Variants in PTPRZ1 observed in about 807,000 individuals in gnomAD.
The protein encoded by PTPRZ1 is receptor-type tyrosine-protein phosphatase zeta.
Under a neutral mutation model 214.1 loss-of-function variants are expected in PTPRZ1, and 82 were observed. The ratio of observed to expected loss-of-function variants is 0.38; its 90% CI spans 0.32 to 0.46. PTPRZ1 has a LOEUF of 0.46. Among genes scored for constraint, PTPRZ1 ranks in the 20% least tolerant of loss-of-function variants. The pLI, the probability that PTPRZ1 is intolerant of heterozygous loss-of-function variation, is 1.00. For missense variants in PTPRZ1, 2,603 were observed against 2,748.7 expected, an observed-to-expected ratio of 0.95 and a Z score of 1.19; for synonymous variants, 945 against 987.9, an observed-to-expected ratio of 0.96 and a Z score of 0.81.
chr7:121,945,699 A>G (rs894931597), intron 2 of PTPRZ1, among the ~76,000 whole-genome samples: 1 of 152,036 alleles, frequency 6.6e-6, no homozygotes, highest in African/African-American at 2.4e-5. Flanking sequence ...TTCTCCTTTA[A>G]ATTCTGTACC....
chr7:122,026,491 G>C (rs1490237076), intron 13 of PTPRZ1, among the ~76,000 whole-genome samples: 1 of 152,166 alleles, frequency 6.6e-6, no homozygotes, highest in African/African-American at 2.4e-5. Context: ...CAAACTTTCT[G>C]TATAGTTTCT....
intron 15 of PTPRZ1, chr7:122,033,824 T>A: frequency 2.2e-6 from 1 of 446,350 alleles, no homozygotes; most frequent in Non-Finnish European, 3.9e-6. Context: ...TCCTCTCATC[T>A]GCATTTTTAA....
chr7:122,040,026 C>T (rs1171062792), intron 20 of PTPRZ1, among the ~76,000 whole-genome samples: 1 of 151,946 alleles, frequency 6.6e-6, no homozygotes, highest in African/African-American at 2.4e-5. Context: ...TCACAGCTGC[C>T]GTCAGTCCTA....
At chr7:121,966,689 C>A (rs1337470676) in intron 2 of PTPRZ1, among the ~76,000 whole-genome samples, 2 of 152,144 alleles carry the variant, frequency 1.3e-5, no homozygotes, top group African/African-American at 4.8e-5. Flanking sequence ...TAGACGGCTT[C>A]ATGGTGTGAC....
At chr7:121,915,398 C>G (rs1795396674) in intron 1 of PTPRZ1, among the ~76,000 whole-genome samples, 1 of 152,122 alleles carries the variant, frequency 6.6e-6, no homozygotes, top group South Asian at 2.1e-4. Context: ...ACATTCATTT[C>G]ATTTAAATAG....
intron 2 of PTPRZ1, among the ~76,000 whole-genome samples, chr7:121,950,764 A>G (rs1389507684): frequency 1.3e-5 from 2 of 152,212 alleles, no homozygotes; most frequent in Non-Finnish European, 2.9e-5. Flanking sequence ...AGTCTCACTG[A>G]AAGAAAATTC....
chr7:121,992,465 T>C (rs1449219242), intron 8 of PTPRZ1, among the ~76,000 whole-genome samples: 1 of 152,236 alleles, frequency 6.6e-6, no homozygotes, highest in Non-Finnish European at 1.5e-5. Context: ...AGGTGTTCAC[T>C]CTTCATTTAA....
At chr7:122,042,089 A>G (rs1352723528) in intron 21 of PTPRZ1, among the ~76,000 whole-genome samples, 1 of 152,208 alleles carries the variant, frequency 6.6e-6, no homozygotes, top group African/African-American at 2.4e-5. Flanking sequence ...AACTGAAGTC[A>G]TGCTTTATTC....
chr7:121,954,007 C>T (rs1796634787), intron 2 of PTPRZ1, among the ~76,000 whole-genome samples: 1 of 152,220 alleles, frequency 6.6e-6, no homozygotes. Context: ...CCTCCTCTGT[C>T]TCCACCCCAC....
intron 13 of PTPRZ1, among the ~76,000 whole-genome samples, chr7:122,028,052 A>AATTTCTACATAGTTC (rs1799255870): frequency 6.6e-6 from 1 of 152,120 alleles, no homozygotes; most frequent in Non-Finnish European, 1.5e-5. Flanking sequence ...CTGTGTAGGT[A>AATTTCTACATAGTTC]ATTTCTACAT....
chr7:121,904,283 C>A (rs533627952), intron 1 of PTPRZ1, among the ~76,000 whole-genome samples: 1 of 152,026 alleles, frequency 6.6e-6, no homozygotes, highest in Non-Finnish European at 1.5e-5. Flanking sequence ...AGGCTGGCTG[C>A]CAATCAAGGA....
At position 122,055,356 on chromosome 7, in the gene PTPRZ1, G is replaced by C. The variant is rs375904757; in HGVS notation, c.6528+269G>C. Among the ~76,000 whole-genome samples, 12 of 151,824 alleles carry C rather than the reference G, an allele frequency of 7.9e-5. No homozygotes were observed. The East Asian group carries it at 2.3e-3, about 29-fold the overall frequency. On this transcript the variant is annotated intron_variant, in intron 27 of 29. Coordinates refer to ENST00000393386, the MANE Select transcript of PTPRZ1 (RefSeq NM_002851.3). ...CCAGATTAGTGGTTGACAGAACTTA[G>C]GTGAAAAATAAACACAGTAAAAGAA...
intron 10 of PTPRZ1, 110 bp from the exon 11 acceptor site, chr7:122,004,504 A>T: frequency 1.6e-6 from 1 of 624,946 alleles, no homozygotes; most frequent in South Asian, 1.7e-5. Flanking sequence ...TTCAAAGCTG[A>T]CATTAACTTT....
chr7:121,949,098 T>C (rs192439360), intron 2 of PTPRZ1, among the ~76,000 whole-genome samples: 147 of 151,952 alleles, frequency 9.7e-4, no homozygotes, highest in African/African-American at 3.4e-3. Context: ...AAGATGAACA[T>C]TGGTTCTGTC....
At chr7:122,027,055 G>C (rs891872436) in intron 13 of PTPRZ1, among the ~76,000 whole-genome samples, 2 of 152,200 alleles carry the variant, frequency 1.3e-5, no homozygotes, top group African/African-American at 4.8e-5. Flanking sequence ...ATTTCAAATA[G>C]TGATGTGCCA....
At chr7:122,025,146 C>T (rs775676325) in intron 13 of PTPRZ1, among the ~76,000 whole-genome samples, 31 of 151,930 alleles carry the variant, frequency 2.0e-4, no homozygotes, top group Non-Finnish European at 3.4e-4. Context: ...TCAAGAGATA[C>T]GGCCCCATCT....
At chr7:121,944,107 T>C (rs1389619059) in intron 2 of PTPRZ1, among the ~76,000 whole-genome samples, 1 of 152,188 alleles carries the variant, frequency 6.6e-6, no homozygotes, top group Non-Finnish European at 1.5e-5. Context: ...CAACTTGCAT[T>C]AATTTCCCCA....
intron 1 of PTPRZ1, among the ~76,000 whole-genome samples, chr7:121,912,863 A>C (rs542750497): frequency 6.6e-6 from 1 of 152,190 alleles, no homozygotes; most frequent in Non-Finnish European, 1.5e-5. Context: ...CATAAAAGGA[A>C]GGATTTAGCA....
rs750310373 is a variant in PTPRZ1, at chr7:121,873,330, A to T, written c.-170A>T. On this transcript the variant is annotated 5_prime_UTR_variant, in exon 1 of 30. Coordinates refer to ENST00000393386, the MANE Select transcript of PTPRZ1 (RefSeq NM_002851.3). ...CTCTGTCTCTGTCTCTCTCTCTCTC[A>T]CACACACACACACACACACAAACAC... is the stretch of plus-strand genomic sequence containing the variant. 672 of 271,318 alleles carry T rather than the reference A, an allele frequency of 2.5e-3. No homozygotes were observed. The highest frequency in any genetic ancestry group is 0.015 in the East Asian group (185 of 12,384). The allele number at this position is 271,318 out of a possible 1,614,324, so 16.8% of individuals were successfully genotyped here. A position where few individuals can be genotyped will look rare whatever the true frequency, so the allele number is the denominator to read the frequency against.
Sources: gnomAD v4.1 joint callset for allele counts (sites outside exome capture counted in the v4.1 genomes callset) on GRCh38, gnomAD v4.1.1 for gene constraint, MANE v1.5 for transcripts, NCBI Gene and HGNC (gene_info 2026-07-23, HGNC 2026-07-21) for gene names.